The following GOLM1 variants were observed in gnomAD, a reference collection of about 807,000 sequenced individuals.
GOLM1 encodes the protein golgi membrane protein 1.
GOLM1 carries 31 observed loss-of-function variants against 50.5 expected under a neutral mutation model. The observed-to-expected ratio is 0.61, with a 90% confidence interval of 0.46 to 0.83. The LOEUF (loss-of-function observed/expected upper bound fraction) is 0.83, where lower values mean the gene tolerates loss of function less well. Ranked by LOEUF, GOLM1 falls within the 40% of genes least tolerant of loss-of-function variation. The pLI, the probability that GOLM1 is intolerant of heterozygous loss-of-function variation, is 0.00. For missense variants in GOLM1, 491 were observed against 501.3 expected (o/e 0.98, Z 0.20); for synonymous variants, 178 against 192.8 (o/e 0.92, Z 0.64).
At chr9:86,078,272 C>G (rs1834677710) in intron 2 of GOLM1, among the ~76,000 whole-genome samples, 1 of 152,162 alleles carries the variant, frequency 6.6e-6, no homozygotes, top group Admixed American at 6.5e-5. Flanking sequence ...AGAAATTATT[C>G]TGACATTCAT....
At chr9:86,032,463 G>A (rs763040232) in intron 9 of GOLM1, among the ~76,000 whole-genome samples, 7 of 152,068 alleles carry the variant, frequency 4.6e-5, no homozygotes, top group Non-Finnish European at 7.4e-5. Flanking sequence ...CACCACACTT[G>A]GCCCAGAAAA....
intron 1 of GOLM1, among the ~76,000 whole-genome samples, chr9:86,090,703 C>T (rs1835149776): frequency 6.7e-6 from 1 of 149,694 alleles, no homozygotes; most frequent in South Asian, 2.1e-4. Flanking sequence ...ATGAGTTAGA[C>T]CACTTGGCTC....
At position 86,060,912 on chromosome 9, in the gene GOLM1, AAAG is replaced by A. The variant is rs766112636; in HGVS notation, c.310-8324_310-8322del. The stretch of plus-strand genomic sequence containing the variant: ...AAAAAAAAAAAAAAAAAAAAAAAAA[AAAG>A]AAGAAGAAGAAGAAGTTACACAACA... On this transcript the variant is annotated intron_variant, in intron 3 of 9. Transcript: ENST00000388712. 7.4e-3 allele frequency among the ~76,000 whole-genome samples: 566 copies of A among 76,546 alleles called. 77 individuals carry two copies. Among genetic ancestry groups the A allele is most frequent in the African/African-American group, 0.033 (262 of 8,020 alleles). The allele number at this position is 76,546 out of a possible 152,430, so 50.2% of individuals were successfully genotyped here.
chr9:86,040,713 AC>A, intron 6 of GOLM1, 25 bp downstream of exon 6: 1 of 1,601,858 alleles, frequency 6.2e-7, no homozygotes, highest in Non-Finnish European at 8.5e-7. Flanking sequence ...CCTTCTAGAA[AC>A]TCTTGGCAAA....
chr9:86,037,894 C>T (rs1195416587), intron 6 of GOLM1, among the ~76,000 whole-genome samples: 2 of 151,722 alleles, frequency 1.3e-5, no homozygotes, highest in African/African-American at 4.8e-5. Context: ...GTGGCTAATG[C>T]CTGTAATGCC....
At chr9:86,028,376 C>A (rs1034561344) in intron 9 of GOLM1, among the ~76,000 whole-genome samples, 2 of 152,166 alleles carry the variant, frequency 1.3e-5, no homozygotes, top group Non-Finnish European at 2.9e-5. Flanking sequence ...GAAATTCGGC[C>A]AAGGACAGTA....
chr9:86,056,689 A>G (rs952945997), intron 3 of GOLM1, among the ~76,000 whole-genome samples: 2 of 151,744 alleles, frequency 1.3e-5, no homozygotes, highest in African/African-American at 2.4e-5. Context: ...TTATTTTAGT[A>G]GAGACAGGGT....
At chr9:86,067,687 G>A (rs1410380682) in intron 3 of GOLM1, among the ~76,000 whole-genome samples, 2 of 152,166 alleles carry the variant, frequency 1.3e-5, no homozygotes. Context: ...ACCTGTGAAG[G>A]AGCCCATGAA....
At chr9:86,070,853 T>C (rs1015438520) in intron 3 of GOLM1, among the ~76,000 whole-genome samples, 3 of 152,102 alleles carry the variant, frequency 2.0e-5, no homozygotes, top group African/African-American at 7.2e-5. Context: ...CACAGAAATG[T>C]AGGGCCAAAG....
Position 86,027,184 on chromosome 9 carries a change from C to G in GOLM1, c.*633G>C, listed in dbSNP as rs966616353. The G allele has an allele frequency of 3.8e-5, 37 of 984,380 alleles. No homozygotes were observed. In the Admixed American group the frequency reaches 1.6e-3, roughly 43 times the overall value. The allele number at this position is 984,380 out of a possible 1,614,324, so 61.0% of individuals were successfully genotyped here. On this transcript the variant is annotated 3_prime_UTR_variant, in exon 10 of 10. Transcript: ENST00000388712. ...ATAGCGTTTTGTACATTAAAAATGA[C>G]AAGGGTTATTATACAAGTAGCCTTT...
chr9:86,036,792 CG>C, intron 6 of GOLM1: 1 of 393,450 alleles, frequency 2.5e-6, no homozygotes, highest in Non-Finnish European at 4.5e-6. Context: ...AATACCTAGG[CG>C]GAAGATCAAC....
At chr9:86,043,140 C>G (rs1025901233) in intron 5 of GOLM1, among the ~76,000 whole-genome samples, 1 of 152,186 alleles carries the variant, frequency 6.6e-6, no homozygotes, top group African/African-American at 2.4e-5. Flanking sequence ...CCAGTGTCAA[C>G]ATTGGAAACT....
intron 1 of GOLM1, among the ~76,000 whole-genome samples, chr9:86,093,363 G>GAGAT (rs1835242900): frequency 7.2e-6 from 1 of 138,350 alleles, no homozygotes; most frequent in Admixed American, 7.5e-5. Context: ...GTGACAGAGC[G>GAGAT]AGATTCTGCC....
chr9:86,039,719 G>A (rs1277264552), intron 6 of GOLM1, among the ~76,000 whole-genome samples: 2 of 152,144 alleles, frequency 1.3e-5, no homozygotes, highest in African/African-American at 4.8e-5. Flanking sequence ...TGTAATCCCA[G>A]CACTTTGGGA....
intron 1 of GOLM1, chr9:86,079,933 G>A (rs761679470): frequency 8.5e-6 from 1 of 118,244 alleles, no homozygotes; most frequent in Non-Finnish European, 2.0e-5. Flanking sequence ...CCATTCTGGA[G>A]GTGAATGTGA....
At chr9:86,089,230 T>G (rs937513964) in intron 1 of GOLM1, among the ~76,000 whole-genome samples, 4 of 152,196 alleles carry the variant, frequency 2.6e-5, no homozygotes, top group Non-Finnish European at 5.9e-5. Context: ...CTGACAATTA[T>G]GTGTCTTCAG....
chr9:86,090,318 C>T (rs1179705213), intron 1 of GOLM1, among the ~76,000 whole-genome samples: 4 of 152,164 alleles, frequency 2.6e-5, no homozygotes, highest in Non-Finnish European at 5.9e-5. Context: ...CAGGCAGGAA[C>T]ATTTAAGTCT....
chr9:86,066,263 T>G (rs920809945), intron 3 of GOLM1, among the ~76,000 whole-genome samples: 1 of 152,112 alleles, frequency 6.6e-6, no homozygotes, highest in Non-Finnish European at 1.5e-5. Context: ...AGAAAAGCAC[T>G]GTAAACACCT....
At chr9:86,043,945 A>G (rs1833449144) in intron 5 of GOLM1, among the ~76,000 whole-genome samples, 1 of 152,208 alleles carries the variant, frequency 6.6e-6, no homozygotes. Context: ...TATTTGCATT[A>G]AGGTTTCTTT....
Sources: gnomAD v4.1 joint callset for allele counts (sites outside exome capture counted in the v4.1 genomes callset) on GRCh38, gnomAD v4.1.1 for gene constraint, MANE v1.5 for transcripts, NCBI Gene and HGNC (gene_info 2026-07-23, HGNC 2026-07-21) for gene names.